NPRL3: variants seen among roughly 807,000 people sequenced by gnomAD.
NPRL3 encodes GATOR1 complex protein NPRL3.
In NPRL3, 23 loss-of-function variants were observed where a neutral mutation model predicts 57.2. That is an observed-to-expected ratio of 0.40 (90% CI 0.29 to 0.57). The LOEUF is 0.57. Among genes scored for constraint, NPRL3 ranks in the 20% least tolerant of loss-of-function variants. The pLI is 0.42. For missense variants in NPRL3, 691 were observed against 767.1 expected, an observed-to-expected ratio of 0.90 and a Z score of 1.17; for synonymous variants, 333 against 321.1, an observed-to-expected ratio of 1.04 and a Z score of -0.39.
chr16:89,230 T>TG, intron 12 of NPRL3: 2 of 326,050 alleles, frequency 6.1e-6, no homozygotes, highest in Non-Finnish European at 1.1e-5. Context: ...GGTCCTCACA[T>TG]GAAGCATGAA....
intron 11 of NPRL3, chr16:91,123 A>G (rs1389356222): frequency 6.6e-6 from 1 of 152,152 alleles, no homozygotes; most frequent in Non-Finnish European, 1.5e-5. Flanking sequence ...CATGCCTGTA[A>G]TCCCAGCACT....
chr16:131,347 T>TG (rs1900782623), intron 2 of NPRL3, among the ~76,000 whole-genome samples: 1 of 148,778 alleles, frequency 6.7e-6, no homozygotes. Flanking sequence ...GGCGTGGTGG[T>TG]GGGTGCCTGT....
At chr16:107,772 C>A (rs1320534798) in intron 7 of NPRL3, among the ~76,000 whole-genome samples, 2 of 152,228 alleles carry the variant, frequency 1.3e-5, no homozygotes, top group African/African-American at 4.8e-5. Context: ...AGTGATCCCC[C>A]AACCTTGGCC....
chr16:127,858 G>GTTA (rs1900606954), intron 3 of NPRL3, among the ~76,000 whole-genome samples: 1 of 151,106 alleles, frequency 6.6e-6, no homozygotes, highest in Non-Finnish European at 1.5e-5. Flanking sequence ...GTTTCACCGT[G>GTTA]TTAGCCAGGA....
chr16:106,652 AAAAAAAG>A (rs1193025808), intron 7 of NPRL3, among the ~76,000 whole-genome samples: 3 of 150,542 alleles, frequency 2.0e-5, no homozygotes, highest in African/African-American at 2.4e-5. Context: ...AAAAAAAAAA[AAAAAAAG>A]AACCAGGAAC....
intron 5 of NPRL3, among the ~76,000 whole-genome samples, chr16:116,147 A>T (rs115887859): frequency 0.011 from 1,717 of 151,830 alleles, 28 homozygotes; most frequent in African/African-American, 0.039. Flanking sequence ...CTATTCCCCG[A>T]GGTGAGGGCC....
At chr16:97,213 G>A (rs1400085690) in intron 9 of NPRL3, among the ~76,000 whole-genome samples, 3 of 151,010 alleles carry the variant, frequency 2.0e-5, no homozygotes, top group East Asian at 1.9e-4. Context: ...CCCATGGCCT[G>A]TTGGCCACCC....
At chr16:122,847 A>G (rs1287209936) in intron 3 of NPRL3, among the ~76,000 whole-genome samples, 1 of 151,922 alleles carries the variant, frequency 6.6e-6, no homozygotes, top group Non-Finnish European at 1.5e-5. Context: ...CCTGGAGGGG[A>G]GCTCAACTCT....
intron 7 of NPRL3, among the ~76,000 whole-genome samples, chr16:100,775 C>G (rs1315646213): frequency 4.2e-5 from 1 of 23,776 alleles, no homozygotes; most frequent in Non-Finnish European, 7.5e-5. Context: ...CGAGACCAGC[C>G]TGGCTAATAA....
Position 112,749 on chromosome 16 carries a change from G to C in NPRL3, c.420C>G (p.Asn140Lys). 6.2e-7 allele frequency: 1 copy of C among 1,608,746 alleles called. No homozygotes were observed. The highest frequency in any genetic ancestry group is 8.5e-7 in the Non-Finnish European group (1 of 1,176,110). ...TACGACGGGACAGGTTATGCAGACA[G>C]TTTATCACTGACGGGTCTGCGTTGG... is the stretch of plus-strand genomic sequence containing the variant. ...LRANADPSVI[N>K]CLHNLSRRIA... The change falls in exon 6 of 14, where the codon AAC becomes AAG. Residue 140 changes from asparagine to lysine, a missense_variant. Transcript: ENST00000611875.
chr16:116,801 C>A (rs1251398400), intron 5 of NPRL3, among the ~76,000 whole-genome samples: 3 of 139,908 alleles, frequency 2.1e-5, no homozygotes, highest in Admixed American at 1.4e-4. Context: ...CCCCCCCCCA[C>A]CGATCTCTAC....
At chr16:110,858 C>T (rs1899775629) in intron 6 of NPRL3, among the ~76,000 whole-genome samples, 1 of 152,060 alleles carries the variant, frequency 6.6e-6, no homozygotes, top group South Asian at 2.1e-4. Context: ...CCTAGACCTG[C>T]TAATTTTAAA....
At chr16:129,705 G>A (rs1900703267) in intron 3 of NPRL3, among the ~76,000 whole-genome samples, 1 of 152,178 alleles carries the variant, frequency 6.6e-6, no homozygotes, top group Non-Finnish European at 1.5e-5. Context: ...CATGGCAGGT[G>A]TGGTGCTGCC....
At chr16:102,221 C>T (rs932390048) in intron 7 of NPRL3, among the ~76,000 whole-genome samples, 1 of 152,192 alleles carries the variant, frequency 6.6e-6, no homozygotes, top group African/African-American at 2.4e-5. Context: ...GAAGCCAGGG[C>T]GCCACCCAAC....
chr16:110,013 C>T lies in NPRL3; in HGVS notation c.629+512G>A, dbSNP rs1347030265. Among the ~76,000 whole-genome samples, 12 of 152,024 alleles carry T rather than the reference C, an allele frequency of 7.9e-5. 1 individual carries two copies. The highest frequency in any genetic ancestry group is 1.6e-4 in the Non-Finnish European group (11 of 68,018). On this transcript the variant is annotated intron_variant, in intron 7 of 13. Transcript: ENST00000611875. ...AGCCACTGGCCGGGCGCGGTGCTCA[C>T]GCCAGTAATCCCAACACTTTGGGAG...
intron 13 of NPRL3, among the ~76,000 whole-genome samples, chr16:88,294 T>C (rs1186179687): frequency 6.7e-6 from 1 of 149,310 alleles, no homozygotes; most frequent in African/African-American, 2.5e-5. Context: ...GGCAGGAGAA[T>C]GGCGTGAACC....
In NPRL3 at chr16:85,516, C is replaced by T. The variant is rs200202323; in HGVS notation, c.*1189G>A. On this transcript the variant is annotated 3_prime_UTR_variant, in exon 14 of 14. Coordinates refer to ENST00000611875, the MANE Select transcript of NPRL3 (RefSeq NM_001077350.3). ...CCGCCAGCCGTGTCCTCAAGGACCG[C>T]GAGCTCTGCAGTGGCCCCTCCAAGC... is the stretch of plus-strand genomic sequence containing the variant. 141 of 1,613,358 alleles carry T rather than the reference C, an allele frequency of 8.7e-5. No homozygotes were observed. The highest frequency in any genetic ancestry group is 1.2e-4 in the Admixed American group (7 of 60,024).
chr16:92,250 C>T (rs754943960), intron 11 of NPRL3, among the ~76,000 whole-genome samples: 1 of 152,074 alleles, frequency 6.6e-6, no homozygotes, highest in Non-Finnish European at 1.5e-5. Flanking sequence ...GTAGGCAGTC[C>T]CCAGTCCCAA....
At chr16:112,512 C>T in intron 6 of NPRL3, 110 bp downstream of exon 6, 4 of 1,151,006 alleles carry the variant, frequency 3.5e-6, no homozygotes, top group Non-Finnish European at 4.5e-6. Context: ...TGAGGCCCCG[C>T]CAACATCTGT....
Sources: gnomAD v4.1 joint callset for allele counts (sites outside exome capture counted in the v4.1 genomes callset) on GRCh38, gnomAD v4.1.1 for gene constraint, MANE v1.5 for transcripts, NCBI Gene and HGNC (gene_info 2026-07-23, HGNC 2026-07-21) for gene names.